SVOPL: variants seen among roughly 807,000 people sequenced by gnomAD.
SVOPL encodes the protein SVOP like, also known as putative transporter SVOPL.
SVOPL carries 60 observed loss-of-function variants against 61.0 expected under a neutral mutation model. The ratio of observed to expected loss-of-function variants is 0.98; its 90% CI spans 0.80 to 1.22. The LOEUF is 1.22. Ranked by LOEUF, SVOPL falls within the 50% of genes most tolerant of loss-of-function variation. SVOPL has a pLI of 0.00. For synonymous variants in SVOPL, 279 were observed against 250.0 expected (o/e 1.12, Z -1.09); for missense variants, 662 against 643.9 (o/e 1.03, Z -0.30).
At chr7:138,672,851 G>C (rs1301761988) in intron 3 of SVOPL, among the ~76,000 whole-genome samples, 3 of 142,686 alleles carry the variant, frequency 2.1e-5, no homozygotes, top group African/African-American at 7.9e-5. Context: ...TACAGTTTGA[G>C]TATGATCCTT....
At chr7:138,689,181 G>T in intron 1 of SVOPL, 1 of 1,088,790 alleles carries the variant, frequency 9.2e-7, no homozygotes, top group Non-Finnish European at 1.4e-6. Flanking sequence ...TGGTGGAGTG[G>T]GCAGGTGTGC....
chr7:138,613,213 T>A (rs1799132250), intron 14 of SVOPL, among the ~76,000 whole-genome samples: 1 of 151,832 alleles, frequency 6.6e-6, no homozygotes. Flanking sequence ...AGAGATGGGG[T>A]TTCACCATGT....
At chr7:138,675,082 T>A (rs1802525076) in intron 3 of SVOPL, among the ~76,000 whole-genome samples, 1 of 151,928 alleles carries the variant, frequency 6.6e-6, no homozygotes, top group South Asian at 2.1e-4. Flanking sequence ...CTAGGATACA[T>A]CTTGCCTTTC....
At chr7:138,700,911 A>G (rs2117155777) in intron 1 of SVOPL, among the ~76,000 whole-genome samples, 1 of 152,338 alleles carries the variant, frequency 6.6e-6, no homozygotes, top group Middle Eastern at 3.4e-3. Flanking sequence ...GCTTCATTAA[A>G]ACAAATTCTA....
At chr7:138,642,057 TAAC>T (rs1462548691) in intron 9 of SVOPL, among the ~76,000 whole-genome samples, 7 of 150,854 alleles carry the variant, frequency 4.6e-5, no homozygotes, top group African/African-American at 7.3e-5. Flanking sequence ...AAATTCCAAA[TAAC>T]AACATCCTCT....
intron 14 of SVOPL, among the ~76,000 whole-genome samples, chr7:138,612,820 T>C (rs2116827895): frequency 6.6e-6 from 1 of 151,140 alleles, no homozygotes; most frequent in Admixed American, 6.6e-5. Flanking sequence ...TGGCCAGAAA[T>C]GTAAATTTTT....
intron 9 of SVOPL, among the ~76,000 whole-genome samples, chr7:138,631,960 T>TCACACA (rs756332176): frequency 5.8e-4 from 85 of 147,058 alleles, no homozygotes; most frequent in African/African-American, 1.3e-3. Context: ...TGCTCTGATA[T>TCACACA]CACACACACA....
intron 1 of SVOPL, among the ~76,000 whole-genome samples, chr7:138,680,830 C>T (rs1010177802): frequency 3.9e-5 from 6 of 151,968 alleles, no homozygotes; most frequent in South Asian, 4.2e-4. Flanking sequence ...CCGCCCGCAT[C>T]GGCCTCCCAA....
intron 3 of SVOPL, among the ~76,000 whole-genome samples, chr7:138,672,649 T>G (rs886229448): frequency 7.4e-4 from 84 of 113,724 alleles, no homozygotes; most frequent in South Asian, 5.0e-3. Context: ...GTGTTTTTTT[T>G]TGTGTTTAAA....
At chr7:138,624,333 A>C (rs1021799834) in intron 13 of SVOPL, among the ~76,000 whole-genome samples, 24 of 152,188 alleles carry the variant, frequency 1.6e-4, no homozygotes, top group Non-Finnish European at 3.1e-4. Flanking sequence ...GGATATACTG[A>C]TGAAGTCTTC....
chr7:138,617,389 A>G (rs1484186484), intron 14 of SVOPL, among the ~76,000 whole-genome samples: 2 of 152,212 alleles, frequency 1.3e-5, no homozygotes, highest in African/African-American at 2.4e-5. Flanking sequence ...AGGCAAAAAA[A>G]TAAGAAGGAG....
intron 14 of SVOPL, among the ~76,000 whole-genome samples, chr7:138,611,757 A>G: frequency 5.1e-5 from 1 of 19,800 alleles, no homozygotes. Context: ...AATAAGTTCT[A>G]ATGCTCTATA....
rs778092881 is a variant in SVOPL, at chr7:138,649,051, G to A, written c.621C>T (p.Val207=). 6 of 1,613,800 alleles carry A rather than the reference G, an allele frequency of 3.7e-6. No individual in the cohort carries two copies. Among genetic ancestry groups the A allele is most frequent in the Non-Finnish European group, 3.4e-6 (4 of 1,179,976 alleles). ...TGAGGATGATGCCCGGGATGGAGGC[G>A]ACGCGAATGAGCCAGCGCCACCCGA... ...PTIGWRWLIR[V]ASIPGIILIV... is the part of the protein sequence containing the mutation. The change falls in exon 8 of 16, where the codon GTC becomes GTT. Residue 207 remains valine, a synonymous_variant. Transcript: ENST00000674285.
chr7:138,611,390 C>A (rs1798993533), intron 14 of SVOPL, among the ~76,000 whole-genome samples: 1 of 150,080 alleles, frequency 6.7e-6, no homozygotes, highest in South Asian at 2.1e-4. Context: ...AAACCCCCAA[C>A]CCCAAAACAA....
intron 2 of SVOPL, 116 bp downstream of exon 2, chr7:138,678,848 G>T: frequency 9.4e-7 from 1 of 1,062,808 alleles, no homozygotes; most frequent in Non-Finnish European, 1.4e-6. Flanking sequence ...GGGATTACAG[G>T]TGTGAGCCAC....
At chr7:138,619,395 T>TG (rs530770805) in intron 14 of SVOPL, among the ~76,000 whole-genome samples, 220 of 151,768 alleles carry the variant, frequency 1.4e-3, no homozygotes, top group Non-Finnish European at 1.6e-3. Context: ...AGCGAGACCC[T>TG]GTCTCTGGAA....
chr7:138,693,571 A>AAGAAAG (rs1802997702), intron 1 of SVOPL, among the ~76,000 whole-genome samples: 2 of 148,284 alleles, frequency 1.3e-5, no homozygotes, highest in South Asian at 4.2e-4. Flanking sequence ...GAAAGAAAGA[A>AAGAAAG]AGAAAAAAGG....
At chr7:138,606,627 C>CAGCTTGAT (rs2116786555) in intron 14 of SVOPL, among the ~76,000 whole-genome samples, 1 of 152,264 alleles carries the variant, frequency 6.6e-6, no homozygotes, top group Non-Finnish European at 1.5e-5. Context: ...TGTGCAGCTA[C>CAGCTTGAT]AGCTTGATTT....
At chr7:138,620,922 G>T in intron 14 of SVOPL, 124 bp downstream of exon 14, 1 of 854,480 alleles carries the variant, frequency 1.2e-6, no homozygotes, top group Non-Finnish European at 1.8e-6. Context: ...CAGGGAAACG[G>T]CACCTCCAGA....
Sources: gnomAD v4.1 joint callset for allele counts (sites outside exome capture counted in the v4.1 genomes callset) on GRCh38, gnomAD v4.1.1 for gene constraint, MANE v1.5 for transcripts, NCBI Gene and HGNC (gene_info 2026-07-23, HGNC 2026-07-21) for gene names.